Variants in PSPH observed in about 807,000 individuals in gnomAD.
PSPH encodes the protein phosphoserine phosphatase, also known as L-3-phosphoserine phosphatase.
PSPH carries 16 observed loss-of-function variants against 23.4 expected under a neutral mutation model. The observed-to-expected ratio is 0.68, with a 90% CI of 0.46 to 1.04. The LOEUF (loss-of-function observed/expected upper bound fraction) is 1.04. Among genes scored for constraint, PSPH ranks in the 50% least tolerant of loss-of-function variants. PSPH has a pLI of 0.00. For missense variants in PSPH, 223 were observed against 273.7 expected, an observed-to-expected ratio of 0.81 and a Z score of 1.31; for synonymous variants, 68 against 99.7, an observed-to-expected ratio of 0.68 and a Z score of 1.89.
chr7:56,020,703 G>A (rs894891932), intron 4 of PSPH, among the ~76,000 whole-genome samples: 3 of 152,154 alleles, frequency 2.0e-5, no homozygotes, highest in African/African-American at 7.2e-5. Context: ...CTGCAGGGCG[G>A]GAGGGCAGGA....
intron 4 of PSPH, among the ~76,000 whole-genome samples, chr7:56,020,499 C>T (rs902469445): frequency 1.3e-5 from 2 of 151,838 alleles, no homozygotes; most frequent in Non-Finnish European, 2.9e-5. Flanking sequence ...GTGGCATGCG[C>T]CTGTAATCCC....
chr7:56,044,041 T>C (rs1309954625), intron 1 of PSPH, among the ~76,000 whole-genome samples: 3 of 152,068 alleles, frequency 2.0e-5, no homozygotes, highest in Non-Finnish European at 4.4e-5. Flanking sequence ...ACCGCAACTG[T>C]CGCCTCGTAG....
intron 1 of PSPH, among the ~76,000 whole-genome samples, chr7:56,050,743 G>A (rs1448864856): frequency 1.3e-5 from 2 of 152,212 alleles, no homozygotes; most frequent in African/African-American, 2.4e-5. Flanking sequence ...TATAAATTCA[G>A]AAAGCATTCC....
At chr7:56,049,148 TCTC>T (rs1294755160) in intron 1 of PSPH, among the ~76,000 whole-genome samples, 1 of 151,568 alleles carries the variant, frequency 6.6e-6, no homozygotes, top group Non-Finnish European at 1.5e-5. Context: ...ATAGTGTCGA[TCTC>T]CTGACCTTGT....
At chr7:56,050,823 T>C (rs1183926532) in intron 1 of PSPH, among the ~76,000 whole-genome samples, 1 of 152,150 alleles carries the variant, frequency 6.6e-6, no homozygotes, top group Non-Finnish European at 1.5e-5. Flanking sequence ...GGAGGAAGAT[T>C]TAATTTTCAC....
In PSPH at chr7:56,011,702, CA is replaced by C; in HGVS notation, c.*59del. ...ATAGGCAACTGTAAGCAAACAGTAT[CA>C]ATCTGTATAACTTGTAAAAATTCAT... On this transcript the variant is annotated 3_prime_UTR_variant, in exon 8 of 8. Coordinates refer to ENST00000275605, the MANE Select transcript of PSPH (RefSeq NM_004577.4). The C allele has an allele frequency of 1.5e-6, 2 of 1,349,864 alleles. No homozygotes were observed. Among genetic ancestry groups the C allele is most frequent in the Non-Finnish European group, 2.1e-6 (2 of 941,214 alleles). The allele number at this position is 1,349,864 out of a possible 1,614,324, so 83.6% of individuals were successfully genotyped here.
intron 5 of PSPH, 119 bp downstream of exon 5, chr7:56,019,473 TAAAAAATG>T: frequency 8.1e-7 from 1 of 1,231,818 alleles, no homozygotes; most frequent in African/African-American, 1.5e-5. Flanking sequence ...ATTAAAAAAT[TAAAAAATG>T]AAAATGAAAA....
chr7:56,026,488 C>CAAAAAAAA (rs56089644), intron 3 of PSPH, among the ~76,000 whole-genome samples: 2 of 70,354 alleles, frequency 2.8e-5, no homozygotes, highest in Non-Finnish European at 5.3e-5. Context: ...GACTCCATCT[C>CAAAAAAAA]AAAAAAAAAA....
At chr7:56,047,765 CAA>C (rs1189425034) in intron 1 of PSPH, among the ~76,000 whole-genome samples, 1 of 151,198 alleles carries the variant, frequency 6.6e-6, no homozygotes, top group African/African-American at 2.4e-5. Flanking sequence ...CTCCTGGGTT[CAA>C]GTGATTCTCC....
chr7:56,022,695 T>A (rs969380437), intron 3 of PSPH, among the ~76,000 whole-genome samples: 2 of 152,154 alleles, frequency 1.3e-5, no homozygotes, highest in Non-Finnish European at 2.9e-5. Context: ...AGGTCAGAGC[T>A]AAATATGAGG....
chr7:56,031,961 ACT>A lies in PSPH; in HGVS notation c.-54_-53del, dbSNP rs1791060081. The A allele has an allele frequency of 6.5e-6, 1 of 153,240 alleles. No homozygotes were observed. Among genetic ancestry groups the A allele is most frequent in the African/African-American group, 2.4e-5 (1 of 41,422 alleles). 9.5% of individuals were successfully genotyped at this position (153,240 alleles called of 1,614,324 possible). ...CAGTGCTAGATTTCTAGGAGACGACACTCTTCTGTTCCTTCCCTAGATAAAAA... is the reference window on the plus strand; with the variant it reads ...CAGTGCTAGATTTCTAGGAGACGACACTTCTGTTCCTTCCCTAGATAAAAA... On this transcript the variant is annotated 5_prime_UTR_variant, in exon 3 of 8. Coordinates refer to ENST00000275605, the MANE Select transcript of PSPH (RefSeq NM_004577.4).
At chr7:56,027,030 A>AC (rs1790285434) in intron 3 of PSPH, among the ~76,000 whole-genome samples, 1 of 151,858 alleles carries the variant, frequency 6.6e-6, no homozygotes, top group South Asian at 2.1e-4. Flanking sequence ...ACATGGTGAA[A>AC]CCCCGTCTCT....
At chr7:56,042,656 GAAAAAAAA>G (rs35744032) in intron 1 of PSPH, among the ~76,000 whole-genome samples, 1 of 107,258 alleles carries the variant, frequency 9.3e-6, no homozygotes, top group East Asian at 2.5e-4. Flanking sequence ...GTCTCAGAAG[GAAAAAAAA>G]AAAAAAAAGG....
chr7:56,015,173 T>C lies in PSPH; in HGVS notation c.422-2A>G. Reference sequence around the variant, plus strand: ...TCTCATCAAAACCTGCATATTCACCTTAAAAGAGAAATAAAAATAGGGTTA... The same window carrying C: ...TCTCATCAAAACCTGCATATTCACCCTAAAAGAGAAATAAAAATAGGGTTA... On this transcript the variant is annotated splice_acceptor_variant, in intron 6 of 7. Transcript: ENST00000275605. LOFTEE classifies it high-confidence loss of function. 1 of 1,613,802 alleles carries C rather than the reference T, an allele frequency of 6.2e-7. No homozygotes were observed. Among genetic ancestry groups the C allele is most frequent in the Non-Finnish European group, 8.5e-7 (1 of 1,179,842 alleles).
chr7:56,014,910 T>C (rs1788381925), intron 7 of PSPH, 113 bp downstream of exon 7: 1 of 1,196,232 alleles, frequency 8.4e-7, no homozygotes, highest in Non-Finnish European at 1.1e-6. Flanking sequence ...GCCACTGCAC[T>C]CCAACCTGGG....
intron 3 of PSPH, among the ~76,000 whole-genome samples, chr7:56,027,211 CAAAAA>C (rs11322718): frequency 8.7e-6 from 1 of 115,446 alleles, no homozygotes. Context: ...GTCTCAAAAA[CAAAAA>C]AAAAAAAAAA....
At chr7:56,043,519 T>TAA (rs1792820285) in intron 1 of PSPH, among the ~76,000 whole-genome samples, 3 of 151,296 alleles carry the variant, frequency 2.0e-5, no homozygotes, top group Non-Finnish European at 4.4e-5. Flanking sequence ...AATAAATAAA[T>TAA]ATTTAAAGAT....
intron 2 of PSPH, chr7:56,033,534 G>T (rs1476929886): frequency 2.7e-5 from 4 of 150,228 alleles, no homozygotes; most frequent in Admixed American, 1.3e-4. Context: ...AAAAAGAAAA[G>T]AAAATATAAT....
chr7:56,038,224 G>C (rs971976439), intron 1 of PSPH, among the ~76,000 whole-genome samples: 10 of 147,356 alleles, frequency 6.8e-5, no homozygotes, highest in Non-Finnish European at 1.3e-4. Flanking sequence ...AGATCACAAA[G>C]TCAGGAGATG....
Sources: gnomAD v4.1 joint callset for allele counts (sites outside exome capture counted in the v4.1 genomes callset) on GRCh38, gnomAD v4.1.1 for gene constraint, MANE v1.5 for transcripts, NCBI Gene and HGNC (gene_info 2026-07-23, HGNC 2026-07-21) for gene names.